The following STX18 variants were observed in gnomAD, a reference collection of about 807,000 sequenced individuals.
STX18 encodes syntaxin 18.
STX18 carries 40 observed loss-of-function variants against 50.1 expected under a neutral mutation model. The observed-to-expected ratio is 0.80, with a 90% confidence interval of 0.62 to 1.04. The LOEUF is 1.04. STX18 is among the 50% of genes least tolerant of loss of function. The probability of loss-of-function intolerance (pLI) is 0.00; values close to 1 mark genes in which losing one functional copy is unlikely to be tolerated. For missense variants in STX18, 410 were observed against 415.8 expected (o/e 0.99, Z 0.12); for synonymous variants, 158 against 151.8 (o/e 1.04, Z -0.30).
chr4:4,445,889 A>G (rs1365517011), intron 5 of STX18, among the ~76,000 whole-genome samples: 2 of 152,194 alleles, frequency 1.3e-5, no homozygotes, highest in Non-Finnish European at 2.9e-5. Flanking sequence ...AATACTGAAA[A>G]TTTAGAAATT....
At chr4:4,424,851 C>T (rs1006168069) in intron 8 of STX18, among the ~76,000 whole-genome samples, 2 of 152,126 alleles carry the variant, frequency 1.3e-5, no homozygotes, top group African/African-American at 4.8e-5. Context: ...AGAGTCGCTG[C>T]GTGGAAACAG....
chr4:4,429,390 A>T (rs1725412136), intron 7 of STX18, among the ~76,000 whole-genome samples: 1 of 152,230 alleles, frequency 6.6e-6, no homozygotes, highest in Admixed American at 6.5e-5. Context: ...TCCTTTTCTA[A>T]TCTAATCCTC....
intron 1 of STX18, among the ~76,000 whole-genome samples, chr4:4,503,473 CT>C (rs771435307): frequency 6.6e-6 from 1 of 152,098 alleles, no homozygotes; most frequent in Non-Finnish European, 1.5e-5. Flanking sequence ...CACTTAGAGA[CT>C]TTCAGTCTTC....
intron 1 of STX18, among the ~76,000 whole-genome samples, chr4:4,492,229 CTTTA>C (rs1728974853): frequency 6.6e-6 from 1 of 151,752 alleles, no homozygotes; most frequent in Non-Finnish European, 1.5e-5. Flanking sequence ...ATAAAATGCT[CTTTA>C]TTTAATTAAA....
chr4:4,511,740 GTGTGTGTGT>G (rs1730016246), intron 1 of STX18, among the ~76,000 whole-genome samples: 3 of 150,812 alleles, frequency 2.0e-5, no homozygotes, highest in Admixed American at 6.6e-5. Context: ...GTGTGTGTGT[GTGTGTGTGT>G]GTGTGTGTGT....
chr4:4,535,550 G>C (rs1260954668), intron 1 of STX18, among the ~76,000 whole-genome samples: 2 of 152,134 alleles, frequency 1.3e-5, no homozygotes, highest in Non-Finnish European at 2.9e-5. Flanking sequence ...GGTTCCTCAA[G>C]GAGAGGGGGA....
intron 1 of STX18, among the ~76,000 whole-genome samples, chr4:4,496,815 G>C (rs1014167615): frequency 2.0e-5 from 3 of 152,158 alleles, no homozygotes; most frequent in African/African-American, 7.2e-5. Context: ...CTAAAATTCA[G>C]TAAGCTTTAA....
In STX18 at chr4:4,420,495, T is replaced by C; in HGVS notation, c.913-366A>G. 1 of 392,718 alleles carries C rather than the reference T, an allele frequency of 2.5e-6. No individual in the cohort carries two copies. Among genetic ancestry groups the C allele is most frequent in the South Asian group, 3.3e-5 (1 of 30,352 alleles). The allele number at this position is 392,718 out of a possible 1,614,324, so 24.3% of individuals were successfully genotyped here. A position where few individuals can be genotyped will look rare whatever the true frequency, so the allele number is the denominator to read the frequency against. ...GGACTGAGCTTGGGAAACAGTCCCC[T>C]CAACAGGATGGCTGTAGTGTCCTCT... On this transcript the variant is annotated intron_variant, in intron 10 of 10. Coordinates refer to ENST00000306200, the MANE Select transcript of STX18 (RefSeq NM_016930.4). This position sits in a 1 kb window ranked among gnomAD's most constrained non-coding sequence, Gnocchi z 4.3.
intron 1 of STX18, among the ~76,000 whole-genome samples, chr4:4,530,455 C>A (rs1278843092): frequency 1.3e-5 from 2 of 151,640 alleles, no homozygotes; most frequent in Non-Finnish European, 2.9e-5. Context: ...CTAACAATTT[C>A]TCTATACTTG....
intron 1 of STX18, among the ~76,000 whole-genome samples, chr4:4,535,307 A>G (rs573491575): frequency 1.3e-5 from 2 of 152,346 alleles, no homozygotes; most frequent in African/African-American, 4.8e-5. Flanking sequence ...TTGAATAAAT[A>G]CATTTCAAAA....
intron 5 of STX18, among the ~76,000 whole-genome samples, chr4:4,439,589 ACACC>A (rs938769643): frequency 7.6e-6 from 1 of 131,634 alleles, no homozygotes; most frequent in African/African-American, 3.3e-5. Flanking sequence ...ATACACACAC[ACACC>A]CCCACACACA....
Position 4,462,113 on chromosome 4 carries a change from T to A in STX18, c.237-2626A>T, listed in dbSNP as rs150748705. On this transcript the variant is annotated intron_variant, in intron 2 of 10. Transcript: ENST00000306200. ...TAGATTTTACCAATGATAAAGCTGA[T>A]ATGACACGTGGGTCTCCACTGTGTT... is the stretch of plus-strand genomic sequence containing the variant. Among the ~76,000 whole-genome samples the A allele has an allele frequency of 1.1e-3, 163 of 152,330 alleles. 3 individuals are homozygous for A. The East Asian group carries it at 0.03, about 28-fold the overall frequency.
At chr4:4,421,937 G>A (rs73793287) in intron 9 of STX18, among the ~76,000 whole-genome samples, 2 of 152,116 alleles carry the variant, frequency 1.3e-5, no homozygotes, top group African/African-American at 2.4e-5. Flanking sequence ...GAGCAGAGAC[G>A]GTGCTAGACG....
At position 4,460,449 on chromosome 4, in the gene STX18, A is replaced by C. The variant is rs146558981; in HGVS notation, c.237-962T>G. On this transcript the variant is annotated intron_variant, in intron 2 of 10. Coordinates refer to ENST00000306200, the MANE Select transcript of STX18 (RefSeq NM_016930.4). ...TCCCAAAGCCTTCTCTAGGAAACTT[A>C]AGGCACAAACAAACAGGGAATACAT... Among the ~76,000 whole-genome samples the C allele has an allele frequency of 4.7e-3, 708 of 152,082 alleles. 5 individuals are homozygous for C. Among genetic ancestry groups the C allele is most frequent in the African/African-American group, 0.016 (671 of 41,486 alleles).
Position 4,542,033 on chromosome 4 carries a change from CG to C in STX18, c.-70del. ...GCAGCCGGCGACCGCGGCGCGAACC[CG>C]GCCGCTGAAGGACTGGTCCTGCCCC... On this transcript the variant is annotated 5_prime_UTR_variant, in exon 1 of 11. Coordinates refer to ENST00000306200, the MANE Select transcript of STX18 (RefSeq NM_016930.4). The C allele has an allele frequency of 6.8e-7, 1 of 1,466,878 alleles. No individual in the cohort carries two copies. 90.9% of individuals were successfully genotyped at this position (1,466,878 alleles called of 1,614,324 possible).
chr4:4,502,342 A>T (rs868317455), intron 1 of STX18, among the ~76,000 whole-genome samples: 26 of 152,340 alleles, frequency 1.7e-4, no homozygotes, highest in South Asian at 4.1e-4. Context: ...TAATTGGGAA[A>T]ACAGAGAAAA....
intron 6 of STX18, 25 bp from the exon 7 acceptor site, chr4:4,434,883 G>C: frequency 6.5e-7 from 1 of 1,543,870 alleles, no homozygotes; most frequent in Middle Eastern, 1.9e-4. Context: ...ATTGAAAATA[G>C]AAGACCAAAT....
At chr4:4,445,633 AG>A (rs774148447) in intron 5 of STX18, among the ~76,000 whole-genome samples, 2 of 152,180 alleles carry the variant, frequency 1.3e-5, no homozygotes, top group Non-Finnish European at 2.9e-5. Context: ...AAGATGAGCA[AG>A]ATGTCTACAC....
At chr4:4,509,278 A>C (rs1729880396) in intron 1 of STX18, among the ~76,000 whole-genome samples, 2 of 151,886 alleles carry the variant, frequency 1.3e-5, no homozygotes. Flanking sequence ...ATGGTATCTC[A>C]TTGTGGTTTT....
Sources: gnomAD v4.1 joint callset for allele counts (sites outside exome capture counted in the v4.1 genomes callset) on GRCh38, gnomAD v4.1.1 for gene constraint, Gnocchi (gnomAD v3.1) non-coding constraint, MANE v1.5 for transcripts, NCBI Gene and HGNC (gene_info 2026-07-23, HGNC 2026-07-21) for gene names.